ADGRL3: variants seen among roughly 807,000 people sequenced by gnomAD.
ADGRL3 encodes the protein adhesion G protein-coupled receptor L3.
Under a neutral mutation model 153.5 loss-of-function variants are expected in ADGRL3, and 62 were observed. That is an observed-to-expected ratio of 0.40 (90% CI 0.33 to 0.50). The LOEUF is 0.50. Ranked by LOEUF, ADGRL3 falls within the 20% of genes least tolerant of loss-of-function variation. ADGRL3 has a pLI of 0.47. For missense variants in ADGRL3, 1,641 were observed against 1,859.4 expected (o/e 0.88, Z 2.16); for synonymous variants, 710 against 672.5 (o/e 1.06, Z -0.86).
At chr4:61,643,637 G>A (rs2093803982) in intron 5 of ADGRL3, among the ~76,000 whole-genome samples, 1 of 144,396 alleles carries the variant, frequency 6.9e-6, no homozygotes, top group African/African-American at 2.6e-5. Flanking sequence ...CAGGGATGAA[G>A]CCCACTTGAT....
At chr4:61,685,384 A>G (rs922390794) in intron 6 of ADGRL3, among the ~76,000 whole-genome samples, 8 of 152,136 alleles carry the variant, frequency 5.3e-5, no homozygotes, top group African/African-American at 1.7e-4. Flanking sequence ...GAACCAATAC[A>G]TGTAAATATC....
At chr4:61,275,857 T>G (rs2093434346) in intron 1 of ADGRL3, among the ~76,000 whole-genome samples, 1 of 152,160 alleles carries the variant, frequency 6.6e-6, no homozygotes, top group Admixed American at 6.6e-5. Flanking sequence ...CTCTTAAAAA[T>G]AAAAGTAGAA....
chr4:61,389,123 G>T (rs567752549), intron 2 of ADGRL3, among the ~76,000 whole-genome samples: 1 of 152,290 alleles, frequency 6.6e-6, no homozygotes, highest in Admixed American at 6.5e-5. Context: ...TCTGGAAGCA[G>T]CATGCATGAT....
At chr4:61,882,013 TCTTTA>T in intron 9 of ADGRL3, among the ~76,000 whole-genome samples, 1 of 152,334 alleles carries the variant, frequency 6.6e-6, no homozygotes, top group Non-Finnish European at 1.5e-5. Context: ...CCAGTTTGTT[TCTTTA>T]TTTGTTTTTA....
At chr4:61,453,743 A>G (rs1014914121) in intron 2 of ADGRL3, among the ~76,000 whole-genome samples, 2 of 152,104 alleles carry the variant, frequency 1.3e-5, no homozygotes, top group African/African-American at 2.4e-5. Flanking sequence ...ATTCACAACT[A>G]TCCATCAATC....
intron 11 of ADGRL3, among the ~76,000 whole-genome samples, chr4:61,902,937 T>A (rs2098672684): frequency 6.6e-6 from 1 of 152,194 alleles, no homozygotes; most frequent in African/African-American, 2.4e-5. Flanking sequence ...GAAAATATTT[T>A]ATTCAACACT....
chr4:61,572,653 G>A (rs2098843896), intron 4 of ADGRL3, among the ~76,000 whole-genome samples: 1 of 151,888 alleles, frequency 6.6e-6, no homozygotes, highest in South Asian at 2.1e-4. Context: ...TGACTGGTGG[G>A]ATTTATTGCA....
intron 21 of ADGRL3, among the ~76,000 whole-genome samples, chr4:62,004,824 T>A (rs2099152259): frequency 6.6e-6 from 1 of 152,164 alleles, no homozygotes; most frequent in Non-Finnish European, 1.5e-5. Context: ...TTTTATTCAT[T>A]GTAATAAGAT....
intron 2 of ADGRL3, among the ~76,000 whole-genome samples, chr4:61,434,915 T>G (rs1578842524): frequency 6.6e-6 from 1 of 152,226 alleles, no homozygotes; most frequent in East Asian, 1.9e-4. Context: ...TGTTTTAATT[T>G]ACATTTTATA....
At chr4:61,302,698 G>A (rs1560449130) in intron 1 of ADGRL3, among the ~76,000 whole-genome samples, 1 of 152,020 alleles carries the variant, frequency 6.6e-6, no homozygotes, top group East Asian at 1.9e-4. Context: ...ATTCATTTTA[G>A]ATTGAGATAT....
chr4:61,594,302 C>T (rs2098980657), intron 5 of ADGRL3, among the ~76,000 whole-genome samples: 1 of 152,108 alleles, frequency 6.6e-6, no homozygotes, highest in South Asian at 2.1e-4. Context: ...GGACTAGTTC[C>T]TGGTGCCTTA....
At chr4:61,815,054 G>A (rs1168342455) in intron 9 of ADGRL3, among the ~76,000 whole-genome samples, 7 of 152,146 alleles carry the variant, frequency 4.6e-5, no homozygotes, top group Non-Finnish European at 8.8e-5. Flanking sequence ...CAGTGAAGGT[G>A]ACCGCCTAGA....
At chr4:61,500,257 T>G (rs561620401) in intron 3 of ADGRL3, among the ~76,000 whole-genome samples, 70 of 152,334 alleles carry the variant, frequency 4.6e-4, no homozygotes, top group Non-Finnish European at 9.0e-4. Context: ...GCTTTTTACT[T>G]ATAAACTTTA....
intron 2 of ADGRL3, among the ~76,000 whole-genome samples, chr4:61,488,253 G>A (rs949444763): frequency 6.6e-6 from 1 of 151,920 alleles, no homozygotes; most frequent in African/African-American, 2.4e-5. Context: ...AATTACCCTA[G>A]AGAGATTGTC....
At chr4:61,903,830 T>C (rs576770617) in intron 11 of ADGRL3, among the ~76,000 whole-genome samples, 1 of 152,056 alleles carries the variant, frequency 6.6e-6, no homozygotes, top group Non-Finnish European at 1.5e-5. Flanking sequence ...TGAAGTGCTG[T>C]GGCATGGCCA....
intron 11 of ADGRL3, among the ~76,000 whole-genome samples, chr4:61,900,657 G>C (rs532465803): frequency 6.6e-6 from 1 of 152,260 alleles, no homozygotes; most frequent in East Asian, 1.9e-4. Context: ...AGAGGAAAAG[G>C]AAGACCAGTA....
chr4:61,710,853 TTTTG>T (rs2095963707), intron 6 of ADGRL3, among the ~76,000 whole-genome samples: 1 of 152,198 alleles, frequency 6.6e-6, no homozygotes, highest in Non-Finnish European at 1.5e-5. Context: ...TATTGATTTT[TTTTG>T]TTTGTTTATT....
intron 2 of ADGRL3, among the ~76,000 whole-genome samples, chr4:61,452,822 G>A (rs1201659363): frequency 6.6e-6 from 1 of 151,980 alleles, no homozygotes; most frequent in Non-Finnish European, 1.5e-5. Flanking sequence ...TTTACAGAAT[G>A]CCTGAAACAA....
intron 1 of ADGRL3, among the ~76,000 whole-genome samples, chr4:61,288,267 T>C (rs1477503476): frequency 1.3e-5 from 2 of 151,990 alleles, no homozygotes; most frequent in South Asian, 2.1e-4. Flanking sequence ...CTTTTGACTA[T>C]ACATAACAGA....
Sources: gnomAD v4.1 joint callset for allele counts (sites outside exome capture counted in the v4.1 genomes callset) on GRCh38, gnomAD v4.1.1 for gene constraint, MANE v1.5 for transcripts, NCBI Gene and HGNC (gene_info 2026-07-23, HGNC 2026-07-21) for gene names.